AZIN2: variants seen among roughly 807,000 people sequenced by gnomAD.
AZIN2 encodes the protein antizyme inhibitor 2, also known as ODC antizyme inhibitor-2.
A neutral mutation model predicts 47.8 loss-of-function variants in AZIN2; 28 were observed. The observed-to-expected ratio is 0.59, with a 90% confidence interval of 0.43 to 0.80. The LOEUF (loss-of-function observed/expected upper bound fraction) is 0.80, where lower values mean the gene tolerates loss of function less well. Among genes scored for constraint, AZIN2 ranks in the 30% least tolerant of loss-of-function variants. The pLI is 0.00. For missense variants in AZIN2, 535 were observed against 582.5 expected (o/e 0.92, Z 0.84); for synonymous variants, 221 against 239.4 (o/e 0.92, Z 0.71).
chr1:33,137,434 T>C, the AZIN2 span, among the ~76,000 whole-genome samples: 1 of 152,210 alleles, frequency 6.6e-6, no homozygotes, highest in African/African-American at 2.4e-5. Context: ...ACCTGGTCTA[T>C]AATTGGATTC....
At chr1:33,088,603 C>G (rs1402696311) in intron 5 of AZIN2, among the ~76,000 whole-genome samples, 1 of 152,238 alleles carries the variant, frequency 6.6e-6, no homozygotes, top group Non-Finnish European at 1.5e-5. Context: ...CTGCCCCTCT[C>G]CCTCTGACCT....
the AZIN2 span, among the ~76,000 whole-genome samples, chr1:33,134,832 G>A: frequency 6.6e-6 from 1 of 152,184 alleles, no homozygotes; most frequent in Non-Finnish European, 1.5e-5. Flanking sequence ...GTGCTCCCAG[G>A]AGAAATCCCT....
Position 33,122,637 on chromosome 1 carries a change from G to C in AZIN2, c.*2455G>C, listed in dbSNP as rs1354604178. ...CTGCCTCCTCCAAGCTCCCTGCTGA[G>C]CGACCCACTGGCAGTGGCTCCTCAT... On this transcript the variant is annotated 3_prime_UTR_variant, in exon 12 of 12. Transcript: ENST00000294517. 1.3e-5 allele frequency among the ~76,000 whole-genome samples: 2 copies of C among 152,122 alleles called. No homozygotes were observed. The highest frequency in any genetic ancestry group is 2.4e-5 in the African/African-American group (1 of 41,416).
the AZIN2 span, chr1:33,159,991 G>A: frequency 6.3e-7 from 1 of 1,581,648 alleles, no homozygotes; most frequent in Non-Finnish European, 8.6e-7. The surrounding 1 kb of genome is among the most constrained non-coding windows in gnomAD (Gnocchi z 4.2). Flanking sequence ...AGCAGATGGG[G>A]TGATCTCTGG....
Position 33,083,982 on chromosome 1 carries a change from A to G in AZIN2, c.134A>G (p.Asp45Gly). 1.2e-6 allele frequency: 2 copies of G among 1,614,162 alleles called. No individual in the cohort carries two copies. The highest frequency in any genetic ancestry group is 1.7e-6 in the Non-Finnish European group (2 of 1,180,036). Residue 45 changes from aspartate to glycine, a missense_variant, in exon 5 of 12, where the codon GAC (aspartate) becomes GGC (glycine). By Grantham distance (94) the Asp-to-Gly change is moderately conservative. Transcript: ENST00000294517. ...TDEVAAFFVA[D>G]LGAIVRKHFC... Reference sequence around the variant, plus strand: ...GAGGTAGCTGCCTTCTTCGTGGCTGACCTGGGTGCCATAGTGAGGAAGCAC... The same window carrying G: ...GAGGTAGCTGCCTTCTTCGTGGCTGGCCTGGGTGCCATAGTGAGGAAGCAC...
rs1360334529 is a variant in AZIN2 at position 33,098,097 on chromosome 1, T to C, written c.947T>C (p.Val316Ala). Residue 316 changes from valine (V) to alanine (A), a missense_variant, in exon 10 of 12, where the codon GTG (valine) becomes GCG (alanine). Coordinates refer to ENST00000294517, the MANE Select transcript of AZIN2 (RefSeq NM_052998.4). ...EENGSTSKTI[V>A]YHLDEGVYGI... is the part of the protein sequence containing the mutation. ...AATGGTTCCACCTCCAAGACCATCG[T>C]GTACCACCTTGATGAGGGCGTGTAT... The C allele has an allele frequency of 1.9e-6, 3 of 1,614,042 alleles. No homozygotes were observed. In the African/African-American group the frequency reaches 4.0e-5, roughly 22 times the overall value.
chr1:33,126,986 C>T (rs1362263278), downstream of AZIN2, among the ~76,000 whole-genome samples: 2 of 152,342 alleles, frequency 1.3e-5, no homozygotes, highest in East Asian at 3.9e-4. Flanking sequence ...ATGTCCCTCT[C>T]TGGGTTTCGC....
the AZIN2 span, chr1:33,158,422 TGCC>T: frequency 6.6e-7 from 1 of 1,522,918 alleles, no homozygotes. Flanking sequence ...CCTGCCCCAA[TGCC>T]AGGGGCCCCG....
chr1:33,112,983 AT>A (rs935761401), intron 10 of AZIN2, among the ~76,000 whole-genome samples: 3 of 151,700 alleles, frequency 2.0e-5, no homozygotes, highest in African/African-American at 4.8e-5. Context: ...TTATTTATTT[AT>A]TTTTTTTGAG....
intron 8 of AZIN2, 72 bp downstream of exon 8, chr1:33,094,785 G>A (rs1642963681): frequency 1.9e-6 from 3 of 1,555,248 alleles, no homozygotes; most frequent in East Asian, 2.3e-5. Context: ...GATGATCGGA[G>A]GGAGACCACC....
chr1:33,095,947 C>T (rs547442321), intron 8 of AZIN2, among the ~76,000 whole-genome samples: 1 of 152,136 alleles, frequency 6.6e-6, no homozygotes, highest in Non-Finnish European at 1.5e-5. Context: ...AAGAGATTCT[C>T]GTGTCTCAGC....
chr1:33,091,668 G>T (rs1642566635), intron 5 of AZIN2, among the ~76,000 whole-genome samples: 1 of 152,176 alleles, frequency 6.6e-6, no homozygotes, highest in Non-Finnish European at 1.5e-5. Flanking sequence ...TAATGCCTTT[G>T]TGTAAATTAG....
rs1257398789 is a variant in AZIN2 at position 33,113,004 on chromosome 1, C to T, written c.1030-4898C>T. On this transcript the variant is annotated intron_variant, in intron 10 of 11. Transcript: ENST00000294517. This position sits in a 1 kb window ranked among gnomAD's most constrained non-coding sequence, Gnocchi z 4.1. ...ATTTATTTTTTTTGAGACGGCGTCT[C>T]GCTCTGTTGCCCAGGCTGGAGTGCA... Among the ~76,000 whole-genome samples, 5 of 152,124 alleles carry T rather than the reference C, an allele frequency of 3.3e-5. No homozygotes were observed. Among genetic ancestry groups the T allele is most frequent in the South Asian group, 2.1e-4 (1 of 4,830 alleles).
intron 5 of AZIN2, among the ~76,000 whole-genome samples, chr1:33,089,454 A>T (rs1025664382): frequency 2.8e-4 from 42 of 151,386 alleles, no homozygotes; most frequent in South Asian, 1.7e-3. Context: ...ATATATATTT[A>T]AAAAAAAATT....
chr1:33,162,328 TG>T, the AZIN2 span, among the ~76,000 whole-genome samples: 1 of 152,210 alleles, frequency 6.6e-6, no homozygotes, highest in Admixed American at 6.5e-5. Context: ...TGTATTCAAC[TG>T]GCAAACTCCT....
rs1200653707 is a variant in AZIN2 at position 33,084,037 on chromosome 1, C to G, written c.189C>G (p.Val63=). Residue 63 remains valine, a synonymous_variant, in exon 5 of 12, where the codon GTC becomes GTG. Transcript: ENST00000294517. ...GCTTTCTGAAGTGCCTGCCACGAGT[C>G]CGGCCCTTTTATGCTGTCAAGTGCA... The part of the protein sequence containing the change: ...HFCFLKCLPR[V]RPFYAVKCNS... The G allele has an allele frequency of 6.2e-7, 1 of 1,614,036 alleles. No individual in the cohort carries two copies. The highest frequency in any genetic ancestry group is 8.5e-7 in the Non-Finnish European group (1 of 1,180,050).
the AZIN2 span, among the ~76,000 whole-genome samples, chr1:33,162,236 C>T: frequency 1.3e-5 from 2 of 152,146 alleles, no homozygotes; most frequent in Non-Finnish European, 2.9e-5. Flanking sequence ...CATTCAAGGA[C>T]CTTCTCAATT....
intron 10 of AZIN2, among the ~76,000 whole-genome samples, chr1:33,107,211 G>A (rs971810436): frequency 6.6e-6 from 1 of 151,966 alleles, no homozygotes; most frequent in Non-Finnish European, 1.5e-5. Context: ...TTGAACCTGG[G>A]AGGCAGAGGT....
chr1:33,147,724 G>A, the AZIN2 span: 26 of 1,608,370 alleles, frequency 1.6e-5, no homozygotes, highest in Non-Finnish European at 2.1e-5. The surrounding 1 kb of genome is among the most constrained non-coding windows in gnomAD (Gnocchi z 8.1). Context: ...TAGGGCGGCT[G>A]GCACTGTGGG....
Sources: allele counts gnomAD v4.1 joint callset (sites outside exome capture counted in the v4.1 genomes callset), GRCh38; gene constraint gnomAD v4.1.1; non-coding constraint Gnocchi (gnomAD v3.1); transcripts MANE v1.5; gene names NCBI Gene and HGNC (gene_info 2026-07-23, HGNC 2026-07-21).